GHSR: variants seen among roughly 807,000 people sequenced by gnomAD.
GHSR encodes the protein growth hormone secretagogue receptor.
In GHSR, 17 loss-of-function variants were observed where a neutral mutation model predicts 24.0. That is an observed-to-expected ratio of 0.71 (90% confidence interval 0.49 to 1.06). GHSR has a LOEUF of 1.06. Ranked by LOEUF, GHSR falls within the 50% of genes least tolerant of loss-of-function variation. The pLI is 0.00. For missense variants in GHSR, 504 were observed against 483.1 expected (o/e 1.04, Z -0.41); for synonymous variants, 238 against 208.1 (o/e 1.14, Z -1.24).
At chr3:172,445,983 G>A (rs1737452886) in intron 1 of GHSR, among the ~76,000 whole-genome samples, 1 of 151,644 alleles carries the variant, frequency 6.6e-6, no homozygotes, top group Admixed American at 6.6e-5. Flanking sequence ...TATACAGTTA[G>A]GATTAAGAAT....
Position 172,448,323 on chromosome 3 carries a change from C to G in GHSR, c.91G>C (p.Gly31Arg). The G allele has an allele frequency of 6.2e-7, 1 of 1,608,066 alleles. No homozygotes were observed. The highest frequency in any genetic ancestry group is 8.5e-7 in the Non-Finnish European group (1 of 1,179,812). The change falls in exon 1 of 2, where the codon GGC becomes CGC. Residue 31 changes from glycine to arginine, a missense_variant. Physicochemically the swap from Gly to Arg is moderately radical, Grantham distance 125 (BLOSUM62 -2). Transcript: ENST00000241256. This position sits in a 1 kb window ranked among gnomAD's most constrained non-coding sequence, Gnocchi z 4.8. ...WDASPGNDSL[G>R]DELLQLFPAP... ...GGGAAGAGCTGCAGCAGCTCGTCGC[C>G]CAGCGAGTCGTTGCCGGGGGAAGCA... is the stretch of plus-strand genomic sequence containing the variant.
At position 172,444,070 on chromosome 3, in the gene GHSR, A is replaced by G. The variant is rs978622113; in HGVS notation, c.*1091T>C. 6.6e-6 allele frequency among the ~76,000 whole-genome samples: 1 copy of G among 152,192 alleles called. No homozygotes were observed. Among genetic ancestry groups the G allele is most frequent in the Non-Finnish European group, 1.5e-5 (1 of 68,006 alleles). ...TTGACTTCAAAATTTTTGTTAAGCC[A>G]TATGAGGCAGTTTGTGATTACCCAT... is the stretch of plus-strand genomic sequence containing the variant. On this transcript the variant is annotated 3_prime_UTR_variant, in exon 2 of 2. Coordinates refer to ENST00000241256, the MANE Select transcript of GHSR (RefSeq NM_198407.2).
rs375707863 is a variant in GHSR, at chr3:172,448,054, T to C, written c.360A>G (p.Gln120=). The stretch of plus-strand genomic sequence containing the variant: ...CGTAGGTGCAGCTCTCACTGACGAA[T>C]TGGAAGAGTTTGCAGAGGAGGTCGC... The part of the protein sequence containing the change: ...NFGDLLCKLF[Q]FVSESCTYAT... The change falls in exon 1 of 2, where the codon CAA becomes CAG. Residue 120 remains glutamine, a synonymous_variant. Coordinates refer to ENST00000241256, the MANE Select transcript of GHSR (RefSeq NM_198407.2). This position sits in a 1 kb window ranked among gnomAD's most constrained non-coding sequence, Gnocchi z 4.8. The C allele has an allele frequency of 5.0e-6, 8 of 1,613,888 alleles. No individual in the cohort carries two copies. Among genetic ancestry groups the C allele is most frequent in the Middle Eastern group, 1.6e-4 (1 of 6,084 alleles).
chr3:172,448,397 G>A lies in GHSR; in HGVS notation c.17C>T (p.Pro6Leu). The change falls in exon 1 of 2, where the codon CCC becomes CTC. Residue 6 changes from proline to leucine, a missense_variant. By Grantham distance (98) the Pro-to-Leu change is moderately conservative. Transcript: ENST00000241256. The surrounding 1 kb of genome is among the most constrained non-coding windows in gnomAD (Gnocchi z 4.8). MWNAT[P>L]SEEPGFNLTL... ...GAGGTTGAACCCCGGCTCTTCGCTGGGCGTCGCGTTCCACATGCTGCCGGC... is the reference window on the plus strand; with the variant it reads ...GAGGTTGAACCCCGGCTCTTCGCTGAGCGTCGCGTTCCACATGCTGCCGGC... 6.3e-7 allele frequency: 1 copy of A among 1,595,814 alleles called. No homozygotes were observed. Among genetic ancestry groups the A allele is most frequent in the Non-Finnish European group, 8.5e-7 (1 of 1,178,450 alleles).
chr3:172,447,636 G>C lies in GHSR; in HGVS notation c.778C>G (p.Gln260Glu), dbSNP rs367980713. 1.2e-6 allele frequency: 2 copies of C among 1,613,952 alleles called. No homozygotes were observed. Among genetic ancestry groups the C allele is most frequent in the Non-Finnish European group, 1.7e-6 (2 of 1,180,014 alleles). The change falls in exon 1 of 2, where the codon CAA becomes GAA. Residue 260 changes from glutamine to glutamate, a missense_variant. Gln to Glu is a conservative substitution (Grantham distance 29). Coordinates refer to ENST00000241256, the MANE Select transcript of GHSR (RefSeq NM_198407.2). ...GASLRDQNHK[Q>E]TVKMLAVVVF... ...GACCCACCCAGCATTTTCACGGTTT[G>C]CTTGTGGTTCTGGTCCCTGAGCGAG...
Position 172,448,303 on chromosome 3 carries a change from G to T in GHSR, c.111C>A (p.Leu37=). The T allele has an allele frequency of 6.2e-7, 1 of 1,611,636 alleles. No homozygotes were observed. Among genetic ancestry groups the T allele is most frequent in the African/African-American group, 1.3e-5 (1 of 75,076 alleles). Residue 37 remains leucine, a synonymous_variant, in exon 1 of 2, where the codon CTC becomes CTA. Transcript: ENST00000241256. The surrounding 1 kb of genome is among the most constrained non-coding windows in gnomAD (Gnocchi z 4.8). ...CGCCCGCCAGCAGCGGCGCGGGGAA[G>T]AGCTGCAGCAGCTCGTCGCCCAGCG... The part of the protein sequence containing the change: ...NDSLGDELLQ[L]FPAPLLAGVT...
At position 172,447,295 on chromosome 3, in the gene GHSR, A is replaced by G. The variant is rs185502038; in HGVS notation, c.796+323T>C. Among the ~76,000 whole-genome samples, 8 of 152,268 alleles carry G rather than the reference A, an allele frequency of 5.3e-5. No homozygotes were observed. The East Asian group carries it at 1.4e-3, about 26-fold the overall frequency. On this transcript the variant is annotated intron_variant, in intron 1 of 1. Coordinates refer to ENST00000241256, the MANE Select transcript of GHSR (RefSeq NM_198407.2). ...TTTTAGGGAAATACAAATATGGGAC[A>G]TTTTTGCATGAAAGAGAGAAAGGAG...
rs200564851 is a variant in GHSR, at chr3:172,445,093, C to G, written c.*68G>C. 4.5e-6 allele frequency: 7 copies of G among 1,563,142 alleles called. No homozygotes were observed. The highest frequency in any genetic ancestry group is 6.2e-6 in the Non-Finnish European group (7 of 1,135,500). Reference sequence around the variant, plus strand: ...CCAAAATTAACCTTCAGCTTCCTCCCAAGTTCTGCTGTGCTATGTCTTCCG... The same window carrying G: ...CCAAAATTAACCTTCAGCTTCCTCCGAAGTTCTGCTGTGCTATGTCTTCCG... On this transcript the variant is annotated 3_prime_UTR_variant, in exon 2 of 2. Coordinates refer to ENST00000241256, the MANE Select transcript of GHSR (RefSeq NM_198407.2).
chr3:172,445,392 A>T lies in GHSR; in HGVS notation c.870T>A (p.Phe290Leu). 6.2e-7 allele frequency: 1 copy of T among 1,614,210 alleles called. No homozygotes were observed. The highest frequency in any genetic ancestry group is 1.1e-5 in the South Asian group (1 of 91,082). Reference protein sequence around the residue: ...HVGRYLFSKSFEPGSLEIAQI... With the variant: ...HVGRYLFSKSLEPGSLEIAQI... ...GAGCAATCTCCAAGGAGCCAGGCTC[A>T]AAGGATTTGGAAAATAAATATCGCC... The change falls in exon 2 of 2, where the codon TTT (phenylalanine) becomes TTA (leucine). Residue 290 changes from phenylalanine (F) to leucine (L), a missense_variant. By Grantham distance (22) the Phe-to-Leu change is conservative. Transcript: ENST00000241256.
chr3:172,447,637 C>A lies in GHSR; in HGVS notation c.777G>T (p.Lys259Asn), dbSNP rs140134927. The A allele has an allele frequency of 2.4e-4, 382 of 1,614,062 alleles. No homozygotes were observed. Among genetic ancestry groups the A allele is most frequent in the Non-Finnish European group, 3.0e-4 (349 of 1,180,010 alleles). The change falls in exon 1 of 2, where the codon AAG (lysine) becomes AAT (asparagine). Residue 259 changes from lysine to asparagine, a missense_variant. Physicochemically the swap from Lys to Asn is moderately conservative, Grantham distance 94 (BLOSUM62 0). Coordinates refer to ENST00000241256, the MANE Select transcript of GHSR (RefSeq NM_198407.2). ...VGASLRDQNH[K>N]QTVKMLAVVV... ...ACCCACCCAGCATTTTCACGGTTTG[C>A]TTGTGGTTCTGGTCCCTGAGCGAGG...
rs1737400976 is a variant in GHSR at position 172,444,096 on chromosome 3, A to C, written c.*1065T>G. On this transcript the variant is annotated 3_prime_UTR_variant, in exon 2 of 2. Transcript: ENST00000241256. ...TATGAGGCAGTTTGTGATTACCCAT[A>C]ATTGTTTTAAAAAGTTTCATTTCCT... 6.6e-6 allele frequency among the ~76,000 whole-genome samples: 1 copy of C among 152,186 alleles called. No individual in the cohort carries two copies. Among genetic ancestry groups the C allele is most frequent in the Non-Finnish European group, 1.5e-5 (1 of 68,014 alleles).
intron 1 of GHSR, among the ~76,000 whole-genome samples, chr3:172,446,509 T>C (rs1737466544): frequency 6.6e-6 from 1 of 152,216 alleles, no homozygotes; most frequent in Non-Finnish European, 1.5e-5. Context: ...ATCCAGGAAC[T>C]GTAAAATTGG....
At position 172,444,523 on chromosome 3, in the gene GHSR, A is replaced by G. The variant is rs930398374; in HGVS notation, c.*638T>C. On this transcript the variant is annotated 3_prime_UTR_variant, in exon 2 of 2. Transcript: ENST00000241256. Reference sequence around the variant, plus strand: ...ACTTAGATTGTTGAATCTACTTTTTATCTGTAAATTTTATGAAATCTAAAT... The same window carrying G: ...ACTTAGATTGTTGAATCTACTTTTTGTCTGTAAATTTTATGAAATCTAAAT... Among the ~76,000 whole-genome samples the G allele has an allele frequency of 2.6e-5, 4 of 152,216 alleles. No homozygotes were observed. The highest frequency in any genetic ancestry group is 9.6e-5 in the African/African-American group (4 of 41,466).
Position 172,448,077 on chromosome 3 carries a change from C to T in GHSR, c.337G>A (p.Asp113Asn). The T allele has an allele frequency of 6.2e-7, 1 of 1,614,138 alleles. No homozygotes were observed. The change falls in exon 1 of 2, where the codon GAC becomes AAC. Residue 113 changes from aspartate (D) to asparagine (N), a missense_variant. Asp to Asn is a conservative substitution (Grantham distance 23). Transcript: ENST00000241256. This position sits in a 1 kb window ranked among gnomAD's most constrained non-coding sequence, Gnocchi z 4.8. ...AATTGGAAGAGTTTGCAGAGGAGGT[C>T]GCCGAAGTTCCAGGGCCGGTACTGC... is the stretch of plus-strand genomic sequence containing the variant. ...LWQYRPWNFG[D>N]LLCKLFQFVS...
At position 172,446,786 on chromosome 3, in the gene GHSR, TG is replaced by T. The variant is rs1737471985; in HGVS notation, c.796+831del. Among the ~76,000 whole-genome samples the T allele has an allele frequency of 3.9e-5, 6 of 152,364 alleles. No individual in the cohort carries two copies. The South Asian group carries it at 1.2e-3, about 32-fold the overall frequency. ...GCCCAGATGTTCCTGAAGGGTCATT[TG>T]GGGAAGTAGTGAATTCTGTTGGTTT... On this transcript the variant is annotated intron_variant, in intron 1 of 1. Transcript: ENST00000241256.
chr3:172,448,213 C>T lies in GHSR; in HGVS notation c.201G>A (p.Val67=). The T allele has an allele frequency of 6.2e-7, 1 of 1,614,126 alleles. No individual in the cohort carries two copies. Among genetic ancestry groups the T allele is most frequent in the Non-Finnish European group, 8.5e-7 (1 of 1,180,032 alleles). Residue 67 remains valine (V), a synonymous_variant, in exon 1 of 2, where the codon GTG becomes GTA. Coordinates refer to ENST00000241256, the MANE Select transcript of GHSR (RefSeq NM_198407.2). The surrounding 1 kb of genome is among the most constrained non-coding windows in gnomAD (Gnocchi z 4.8). ...GIAGNLLTML[V]VSRFRELRTT... is the part of the protein sequence containing the mutation. ...TGCGCAGCTCGCGGAAGCGCGACAC[C>T]ACCAGCATGGTGAGCAGGTTGCCAG...
chr3:172,447,716 C>T lies in GHSR; in HGVS notation c.698G>A (p.Ser233Asn). ...CCGCCACAGCTTCCTGCCGATGAGA[C>T]TGTAGAGGACCGTGAGACAGAAGAC... is the stretch of plus-strand genomic sequence containing the variant. ...LPVFCLTVLYSLIGRKLWRRR... is the reference protein window; with the variant it reads ...LPVFCLTVLYNLIGRKLWRRR... The change falls in exon 1 of 2, where the codon AGT becomes AAT. Residue 233 changes from serine to asparagine, a missense_variant. By Grantham distance (46) the Ser-to-Asn change is conservative (BLOSUM62 1). Coordinates refer to ENST00000241256, the MANE Select transcript of GHSR (RefSeq NM_198407.2). 1 of 1,614,140 alleles carries T rather than the reference C, an allele frequency of 6.2e-7. No individual in the cohort carries two copies. Among genetic ancestry groups the T allele is most frequent in the Non-Finnish European group, 8.5e-7 (1 of 1,180,044 alleles).
rs905994063 is a variant in GHSR at position 172,443,832 on chromosome 3, G to A, written c.*1329C>T. On this transcript the variant is annotated 3_prime_UTR_variant, in exon 2 of 2. Transcript: ENST00000241256. ...GGATATAAGCAGCAAAACTAATTTG[G>A]AGACAGGACACAGCATAGACATTTA... 5.3e-5 allele frequency among the ~76,000 whole-genome samples: 8 copies of A among 152,106 alleles called. No homozygotes were observed. Among genetic ancestry groups the A allele is most frequent in the Non-Finnish European group, 1.2e-4 (8 of 67,994 alleles).
rs138507814 is a variant in GHSR, at chr3:172,445,245, T to C, written c.1017A>G (p.Gly339=). The part of the protein sequence containing the change: ...KYRVAVFRLL[G]FEPFSQRKLS... ...GCTTTCTCTGGGAGAAGGGTTCGAA[T>C]CCCAGAAGTCTGAACACTGCCACCC... is the stretch of plus-strand genomic sequence containing the variant. The change falls in exon 2 of 2, where the codon GGA becomes GGG. Residue 339 remains glycine, a synonymous_variant. Coordinates refer to ENST00000241256, the MANE Select transcript of GHSR (RefSeq NM_198407.2). The C allele has an allele frequency of 1.8e-4, 283 of 1,614,096 alleles. No individual in the cohort carries two copies. The highest frequency in any genetic ancestry group is 4.9e-4 in the Middle Eastern group (3 of 6,062).
Sources: allele counts gnomAD v4.1 joint callset (sites outside exome capture counted in the v4.1 genomes callset), GRCh38; gene constraint gnomAD v4.1.1; non-coding constraint Gnocchi (gnomAD v3.1); transcripts MANE v1.5; gene names NCBI Gene and HGNC (gene_info 2026-07-23, HGNC 2026-07-21).